RBFOX2: variants seen among roughly 807,000 people sequenced by gnomAD.
The protein encoded by RBFOX2 is RNA binding fox-1 homolog 2, also known as RNA binding protein fox-1 homolog 2.
RBFOX2 carries 10 observed loss-of-function variants against 49.1 expected under a neutral mutation model. The ratio of observed to expected loss-of-function variants is 0.20; its 90% CI spans 0.13 to 0.35. RBFOX2 has a LOEUF of 0.35. Ranked by LOEUF, RBFOX2 falls within the 10% of genes least tolerant of loss-of-function variation. RBFOX2 has a pLI of 1.00. For synonymous variants in RBFOX2, 183 were observed against 187.4 expected (o/e 0.98, Z 0.19); for missense variants, 323 against 486.9 (o/e 0.66, Z 3.17).
At chr22:36,017,898 C>A (rs954890641) in intron 1 of RBFOX2, among the ~76,000 whole-genome samples, 16 of 152,196 alleles carry the variant, frequency 1.1e-4, no homozygotes, top group Non-Finnish European at 2.2e-4. Context: ...TTAAATTCTA[C>A]CCCAGCTTCT....
intron 2 of RBFOX2, among the ~76,000 whole-genome samples, chr22:35,803,430 T>C (rs1950130759): frequency 6.6e-6 from 1 of 152,092 alleles, no homozygotes; most frequent in South Asian, 2.1e-4. Flanking sequence ...AATCCCAGCA[T>C]GTTAGGCAGC....
intron 2 of RBFOX2, among the ~76,000 whole-genome samples, chr22:35,799,666 G>A (rs561499658): frequency 1.3e-5 from 2 of 152,122 alleles, no homozygotes; most frequent in African/African-American, 4.8e-5. Flanking sequence ...TAATTACTTC[G>A]GCTGGATGTG....
At chr22:35,757,678 C>A (rs1010852942) in intron 9 of RBFOX2, among the ~76,000 whole-genome samples, 1 of 152,124 alleles carries the variant, frequency 6.6e-6, no homozygotes, top group Non-Finnish European at 1.5e-5. Flanking sequence ...TTGTATCACA[C>A]AAAAGGCAAA....
intron 1 of RBFOX2, among the ~76,000 whole-genome samples, chr22:35,979,787 C>A (rs2057370029): frequency 1.3e-5 from 2 of 152,160 alleles, no homozygotes; most frequent in South Asian, 4.1e-4. Flanking sequence ...ACAACGAAAG[C>A]TGATCCTAAA....
chr22:35,748,912 G>C (rs1049889993), intron 9 of RBFOX2, among the ~76,000 whole-genome samples: 2 of 152,326 alleles, frequency 1.3e-5, no homozygotes, highest in East Asian at 1.9e-4. Context: ...CTGGAGGTAC[G>C]ATCTCTGAGT....
intron 1 of RBFOX2, among the ~76,000 whole-genome samples, chr22:35,831,210 G>A (rs899645933): frequency 4.6e-5 from 7 of 152,172 alleles, no homozygotes; most frequent in Admixed American, 2.0e-4. Flanking sequence ...TTGGGAGGCC[G>A]AGGTGGGCAG....
chr22:35,752,968 G>C (rs1305068706), intron 9 of RBFOX2, among the ~76,000 whole-genome samples: 1 of 152,148 alleles, frequency 6.6e-6, no homozygotes, highest in Non-Finnish European at 1.5e-5. Context: ...TCTCCAGAGA[G>C]GAATGTGCCA....
At position 35,890,812 on chromosome 22, in the gene RBFOX2, C is replaced by CA. The variant is rs995312500; in HGVS notation, c.-34+48034dup. Among the ~76,000 whole-genome samples, 15 of 150,254 alleles carry CA rather than the reference C, an allele frequency of 1.0e-4. No homozygotes were observed. The East Asian group carries it at 1.6e-3, about 16-fold the overall frequency. On this transcript the variant is annotated intron_variant, in intron 1 of 13. Transcript: ENST00000359369. ...CAGTTTAAAATAAAATAAAATGAAA[C>CA]AAAAAAAAATCAGGTTCTCCCAAAA...
chr22:35,873,286 C>T (rs2044598330), intron 1 of RBFOX2, among the ~76,000 whole-genome samples: 1 of 152,052 alleles, frequency 6.6e-6, no homozygotes, highest in Non-Finnish European at 1.5e-5. Flanking sequence ...TGTGTACCAC[C>T]ACGCCCAGCT....
At chr22:35,983,307 G>A (rs1442283695) in intron 1 of RBFOX2, among the ~76,000 whole-genome samples, 1 of 152,040 alleles carries the variant, frequency 6.6e-6, no homozygotes, top group Non-Finnish European at 1.5e-5. Context: ...CCCCTACCAG[G>A]GGCATCTGCT....
At chr22:35,999,394 A>G (rs1399377287) in intron 1 of RBFOX2, 1 of 151,818 alleles carries the variant, frequency 6.6e-6, no homozygotes, top group Non-Finnish European at 1.5e-5. Context: ...AAAAAAAAAA[A>G]AAAAAAAATT....
intron 1 of RBFOX2, among the ~76,000 whole-genome samples, chr22:35,937,970 C>T (rs1288334123): frequency 1.3e-5 from 2 of 152,170 alleles, no homozygotes; most frequent in East Asian, 1.9e-4. Flanking sequence ...TGAACTCTTT[C>T]GTTTAGCACT....
chr22:35,756,136 TA>T, intron 9 of RBFOX2: 1 of 1,499,490 alleles, frequency 6.7e-7, no homozygotes, highest in Non-Finnish European at 9.0e-7. Flanking sequence ...TCCGTCCTGG[TA>T]AACCACACTG....
At chr22:35,836,920 T>G (rs1043237870) in intron 1 of RBFOX2, among the ~76,000 whole-genome samples, 1 of 152,228 alleles carries the variant, frequency 6.6e-6, no homozygotes, top group Non-Finnish European at 1.5e-5. Flanking sequence ...ATATTGCTAT[T>G]TTCATAAATA....
intron 1 of RBFOX2, among the ~76,000 whole-genome samples, chr22:35,885,903 C>G (rs2046512239): frequency 8.2e-6 from 1 of 122,136 alleles, no homozygotes; most frequent in Non-Finnish European, 1.6e-5. Flanking sequence ...GTTGCCCAGG[C>G]TGGAGTGCAG....
chr22:35,948,884 T>C (rs2054604638), intron 1 of RBFOX2, among the ~76,000 whole-genome samples: 1 of 152,180 alleles, frequency 6.6e-6, no homozygotes. Context: ...AGTATATTTA[T>C]ATTGTTGTGC....
At chr22:36,011,281 T>C (rs2058811623) in intron 1 of RBFOX2, among the ~76,000 whole-genome samples, 2 of 152,032 alleles carry the variant, frequency 1.3e-5, no homozygotes, top group Admixed American at 6.6e-5. Context: ...CTCTAAAAGG[T>C]AGCAACATCA....
At chr22:35,754,376 C>T (rs1936214969) in intron 9 of RBFOX2, among the ~76,000 whole-genome samples, 2 of 151,872 alleles carry the variant, frequency 1.3e-5, no homozygotes, top group African/African-American at 4.8e-5. Context: ...CAGGCCTGAG[C>T]CACTGTGCCC....
At chr22:35,976,912 C>A (rs1202239431) in intron 1 of RBFOX2, among the ~76,000 whole-genome samples, 2 of 147,778 alleles carry the variant, frequency 1.4e-5, no homozygotes, top group Non-Finnish European at 3.0e-5. Flanking sequence ...TGCAGGGAGC[C>A]AAGATCGCGT....
Sources: gnomAD v4.1 joint callset for allele counts (sites outside exome capture counted in the v4.1 genomes callset) on GRCh38, gnomAD v4.1.1 for gene constraint, MANE v1.5 for transcripts, NCBI Gene and HGNC (gene_info 2026-07-23, HGNC 2026-07-21) for gene names.